Variants in MED24 observed in about 807,000 individuals in gnomAD.
The protein encoded by MED24 is mediator of RNA polymerase II transcription subunit 24.
In MED24, 74 loss-of-function variants were observed where a neutral mutation model predicts 118.8. The ratio of observed to expected loss-of-function variants is 0.62; its 90% CI spans 0.52 to 0.76. MED24 has a LOEUF of 0.76. Among genes scored for constraint, MED24 ranks in the 30% least tolerant of loss-of-function variants. The pLI is 0.00. For synonymous variants in MED24, 521 were observed against 523.9 expected (o/e 0.99, Z 0.08); for missense variants, 1,041 against 1,278.9 (o/e 0.81, Z 2.84).
intron 13 of MED24, 147 bp downstream of exon 13, chr17:40,029,601 G>C: frequency 1.4e-6 from 1 of 709,968 alleles, no homozygotes; most frequent in Non-Finnish European, 2.3e-6. Flanking sequence ...AGCTGCCCTT[G>C]CCTCCCCTTT....
chr17:40,027,136 C>G (rs1982761297), intron 16 of MED24, 102 bp from the exon 17 acceptor site: 1 of 1,430,882 alleles, frequency 7.0e-7, no homozygotes, highest in Non-Finnish European at 9.6e-7. Flanking sequence ...GCTGCTCCAG[C>G]CCAGCCCAAA....
intron 9 of MED24, chr17:40,032,333 C>A (rs954693266): frequency 2.4e-5 from 14 of 580,950 alleles, no homozygotes; most frequent in Non-Finnish European, 3.6e-5. Flanking sequence ...AAAAAGATGC[C>A]ATAAGCAAAA....
chr17:40,027,707 G>T, intron 15 of MED24: 1 of 678,164 alleles, frequency 1.5e-6, no homozygotes, highest in Non-Finnish European at 2.5e-6. Context: ...AGGGGGGGAA[G>T]GAGACACAGG....
chr17:40,053,260 A>G, intron 3 of MED24, 38 bp downstream of exon 3: 1 of 1,550,396 alleles, frequency 6.4e-7, no homozygotes, highest in East Asian at 2.3e-5. Context: ...TTACCCCCAG[A>G]ACTCTCACTT....
At chr17:40,020,011 C>G in intron 24 of MED24, 78 bp from the exon 25 acceptor site, 1 of 1,494,818 alleles carries the variant, frequency 6.7e-7, no homozygotes, top group Non-Finnish European at 9.1e-7. Flanking sequence ...GAAGGTGGGA[C>G]TGAAAAGGGA....
At chr17:40,046,209 C>T (rs1345116825) in intron 3 of MED24, among the ~76,000 whole-genome samples, 1 of 150,182 alleles carries the variant, frequency 6.7e-6, no homozygotes, top group Admixed American at 6.6e-5. Context: ...CTCAGCCTCC[C>T]GAGTAGCTGG....
intron 18 of MED24, 102 bp downstream of exon 18, chr17:40,026,545 C>T (rs1982671758): frequency 8.2e-7 from 1 of 1,225,096 alleles, no homozygotes; most frequent in Non-Finnish European, 1.2e-6. Flanking sequence ...AAAACATGAG[C>T]TCCTGGATTA....
In MED24 at chr17:40,033,617, A is replaced by G. The variant is rs1014241573; in HGVS notation, c.560-161T>C. The G allele has an allele frequency of 5.6e-6, 4 of 713,914 alleles. No individual in the cohort carries two copies. The highest frequency in any genetic ancestry group is 1.0e-5 in the Non-Finnish European group (4 of 397,008). The allele number at this position is 713,914 out of a possible 1,614,324, so 44.2% of individuals were successfully genotyped here. The stretch of plus-strand genomic sequence containing the variant: ...AGGGAGGGGCCTGAGGGCAGCATGC[A>G]CTGTTTCCAGAAGGGGGGTGGGCAC... On this transcript the variant is annotated intron_variant, in intron 6 of 25. Transcript: ENST00000394128. The surrounding 1 kb of genome is among the most constrained non-coding windows in gnomAD (Gnocchi z 5.2).
At chr17:40,051,323 T>G (rs1367843035) in intron 3 of MED24, among the ~76,000 whole-genome samples, 1 of 150,962 alleles carries the variant, frequency 6.6e-6, no homozygotes, top group African/African-American at 2.4e-5. Flanking sequence ...AAAATAAAAA[T>G]AAGGCTGGGC....
intron 3 of MED24, among the ~76,000 whole-genome samples, chr17:40,041,190 G>T (rs919725238): frequency 1.3e-5 from 2 of 152,046 alleles, no homozygotes. Context: ...AAACCTAATG[G>T]ATCCTTCTCT....
chr17:40,034,947 C>T (rs1251603949), intron 6 of MED24, 170 bp downstream of exon 6: 4 of 1,572,208 alleles, frequency 2.5e-6, no homozygotes, highest in Non-Finnish European at 3.4e-6. Flanking sequence ...TGCCACCCTG[C>T]CCAAGTCCCT....
At chr17:40,020,061 CAGAGAG>C in intron 24 of MED24, 128 bp from the exon 25 acceptor site, 1 of 1,223,652 alleles carries the variant, frequency 8.2e-7, no homozygotes, top group Non-Finnish European at 1.2e-6. Flanking sequence ...AATGGGGTGT[CAGAGAG>C]AGAAAATATA....
chr17:40,051,160 A>AAT (rs1555541522), intron 3 of MED24, among the ~76,000 whole-genome samples: 6 of 137,016 alleles, frequency 4.4e-5, no homozygotes, highest in Middle Eastern at 3.7e-3. Flanking sequence ...AAAAAAAAAA[A>AAT]TTTTGCCAGG....
Position 40,026,923 on chromosome 17 carries a change from G to A in MED24, c.1642C>T (p.Arg548Cys), listed in dbSNP as rs926133816. The A allele has an allele frequency of 8.1e-6, 13 of 1,614,048 alleles. No homozygotes were observed. The Admixed American group carries it at 1.0e-4, about 12-fold the overall frequency. ...GACTCCACTTTGGTGGAGTCGGGGC[G>A]GAAGCAGGGGTGGTCAGGGTTCAGG... ...KILNPDHPCFRPDSTKVESLV... is the reference protein window; with the variant it reads ...KILNPDHPCFCPDSTKVESLV... Residue 548 changes from arginine to cysteine, a missense_variant, in exon 17 of 26, where the codon CGC becomes TGC. By Grantham distance (180) the Arg-to-Cys change is radical. This residue lies in a region of MED24 where 587 missense variants were observed against 694.4 expected (regional missense o/e 0.85). Transcript: ENST00000394128.
chr17:40,022,136 T>A, intron 22 of MED24, 82 bp from the exon 23 acceptor site: 3 of 1,154,240 alleles, frequency 2.6e-6, no homozygotes, highest in Non-Finnish European at 3.7e-6. Context: ...GAGCTCCGAT[T>A]TGAGCGAGGT....
intron 4 of MED24, 126 bp downstream of exon 4, chr17:40,035,990 A>T: frequency 8.2e-7 from 1 of 1,219,132 alleles, no homozygotes; most frequent in Non-Finnish European, 1.2e-6. Flanking sequence ...ATGGAAGTCC[A>T]GCAATGCCAG....
At chr17:40,028,994 C>T in intron 13 of MED24, 26 bp from the exon 14 acceptor site, 1 of 1,614,094 alleles carries the variant, frequency 6.2e-7, no homozygotes, top group South Asian at 1.1e-5. Flanking sequence ...GAAATCAAGT[C>T]CTGAAGAACA....
intron 14 of MED24, 83 bp from the exon 15 acceptor site, chr17:40,028,029 G>A (rs181936947): frequency 5.9e-4 from 808 of 1,367,938 alleles, no homozygotes; most frequent in Non-Finnish European, 7.9e-4. Flanking sequence ...TGTTCAGAGA[G>A]CGATAGCTAG....
At chr17:40,031,068 C>T (rs769083307) in intron 12 of MED24, 91 bp downstream of exon 12, 393 of 1,300,066 alleles carry the variant, frequency 3.0e-4, no homozygotes, top group Non-Finnish European at 3.9e-4. Context: ...CCCAAACTTT[C>T]GACAGGAGGT....
Sources: gnomAD v4.1 joint callset for allele counts (sites outside exome capture counted in the v4.1 genomes callset) on GRCh38, gnomAD v4.1.1 for gene constraint, gnomAD v4.1.1 regional missense constraint, Gnocchi (gnomAD v3.1) non-coding constraint, MANE v1.5 for transcripts, NCBI Gene and HGNC (gene_info 2026-07-23, HGNC 2026-07-21) for gene names.